The following NNT variants were observed in gnomAD, a reference collection of about 807,000 sequenced individuals.
NNT encodes the protein nicotinamide nucleotide transhydrogenase.
In NNT, 50 loss-of-function variants were observed where a neutral mutation model predicts 104.8. The ratio of observed to expected loss-of-function variants is 0.48; its 90% CI spans 0.38 to 0.60. The LOEUF is 0.60. NNT is among the 20% of genes least tolerant of loss of function. NNT has a pLI of 0.00. For synonymous variants in NNT, 461 were observed against 490.4 expected (o/e 0.94, Z 0.79); for missense variants, 1,131 against 1,330.7 (o/e 0.85, Z 2.33).
chr5:43,656,563 A>T (rs754457362), intron 15 of NNT, 90 bp from the exon 16 acceptor site: 14 of 1,193,856 alleles, frequency 1.2e-5, no homozygotes, highest in African/African-American at 1.5e-5. Context: ...ATCCTTGGTT[A>T]GAGATGACTG....
Position 43,704,612 on chromosome 5 carries a change from G to T in NNT, c.*208G>T, listed in dbSNP as rs558187103. On this transcript the variant is annotated 3_prime_UTR_variant, in exon 22 of 22. Coordinates refer to ENST00000344920, the MANE Select transcript of NNT (RefSeq NM_182977.3). ...TAAAAAAGGATTGAAAATTCTAAAT[G>T]TCTTTCTGTGCATATTTTTTGTGTT... The T allele has an allele frequency of 4.4e-6, 2 of 456,414 alleles. No individual in the cohort carries two copies. Among genetic ancestry groups the T allele is most frequent in the Non-Finnish European group, 7.6e-6 (2 of 261,782 alleles). The allele number at this position is 456,414 out of a possible 1,614,324, so 28.3% of individuals were successfully genotyped here.
chr5:43,632,895 A>G (rs1750748490), intron 7 of NNT, among the ~76,000 whole-genome samples: 1 of 152,198 alleles, frequency 6.6e-6, no homozygotes. Context: ...GGACTGAATC[A>G]GGTTGAAAAT....
intron 18 of NNT, among the ~76,000 whole-genome samples, chr5:43,677,519 G>A (rs1741483229): frequency 6.6e-6 from 1 of 152,060 alleles, no homozygotes; most frequent in African/African-American, 2.4e-5. Context: ...CACTACAGAA[G>A]ATTGAGGAGC....
chr5:43,703,040 A>T (rs917255401), intron 21 of NNT, among the ~76,000 whole-genome samples: 11 of 152,188 alleles, frequency 7.2e-5, no homozygotes, highest in African/African-American at 2.7e-4. Flanking sequence ...TAAATTCCAG[A>T]TCGAGTCCTG....
chr5:43,675,430 A>C, intron 17 of NNT, 81 bp from the exon 18 acceptor site: 1 of 1,204,070 alleles, frequency 8.3e-7, no homozygotes, highest in Non-Finnish European at 1.1e-6. Context: ...AATGATTCCA[A>C]ATATCATATA....
At chr5:43,685,645 T>A (rs573107382) in intron 19 of NNT, among the ~76,000 whole-genome samples, 3 of 152,328 alleles carry the variant, frequency 2.0e-5, no homozygotes, top group Non-Finnish European at 4.4e-5. Context: ...TTAAACATTC[T>A]TAATAGTTTA....
At chr5:43,648,960 G>A (rs1450284325) in intron 10 of NNT, among the ~76,000 whole-genome samples, 187 bp from the exon 11 acceptor site, 1 of 152,132 alleles carries the variant, frequency 6.6e-6, no homozygotes, top group Admixed American at 6.5e-5. Context: ...AGAAAGTTGG[G>A]TTTTGTCCAC....
Position 43,669,662 on chromosome 5 carries a change from G to A in NNT, c.2635-5849G>A, listed in dbSNP as rs879577601. 6.1e-4 allele frequency among the ~76,000 whole-genome samples: 93 copies of A among 152,254 alleles called. 1 individual carries two copies. Among genetic ancestry groups the A allele is most frequent in the Non-Finnish European group, 1.2e-3 (79 of 68,030 alleles). On this transcript the variant is annotated intron_variant, in intron 17 of 21. Coordinates refer to ENST00000344920, the MANE Select transcript of NNT (RefSeq NM_182977.3). ...GATCATGGTGGATAAGCTTTTTGAT[G>A]TACTGCTGGATTTGGTTTGTGAGTG...
chr5:43,610,715 C>G (rs1411767236), intron 2 of NNT, among the ~76,000 whole-genome samples: 1 of 152,150 alleles, frequency 6.6e-6, no homozygotes, highest in Non-Finnish European at 1.5e-5. Flanking sequence ...CCCTACAAGC[C>G]TCCAACTTTA....
intron 5 of NNT, among the ~76,000 whole-genome samples, chr5:43,620,655 A>G (rs1750038400): frequency 6.6e-6 from 1 of 152,028 alleles, no homozygotes; most frequent in South Asian, 2.1e-4. Flanking sequence ...GCCAGGTGAA[A>G]AAAATGGCAG....
At chr5:43,673,553 C>T (rs1023792376) in intron 17 of NNT, among the ~76,000 whole-genome samples, 1 of 152,114 alleles carries the variant, frequency 6.6e-6, no homozygotes. Flanking sequence ...ATAACAATTT[C>T]AGAACTGTAT....
At chr5:43,618,912 C>T in intron 4 of NNT, 120 bp from the exon 5 acceptor site, 1 of 496,348 alleles carries the variant, frequency 2.0e-6, no homozygotes. Context: ...ATAGTACATA[C>T]TACATAAATA....
intron 3 of NNT, among the ~76,000 whole-genome samples, chr5:43,614,720 G>T (rs549809415): frequency 6.6e-6 from 1 of 152,300 alleles, no homozygotes; most frequent in East Asian, 1.9e-4. Context: ...GTGTTTACTT[G>T]CCTAAAAGCA....
At position 43,704,524 on chromosome 5, in the gene NNT, A is replaced by T; in HGVS notation, c.*120A>T. On this transcript the variant is annotated 3_prime_UTR_variant, in exon 22 of 22. Coordinates refer to ENST00000344920, the MANE Select transcript of NNT (RefSeq NM_182977.3). ...AGCAAAGCTCTTGGAGAAAATGAAG[A>T]CTGAAGAAAGCAAAGCAAAAACTGT... 9.3e-7 allele frequency: 1 copy of T among 1,073,570 alleles called. No homozygotes were observed. The highest frequency in any genetic ancestry group is 1.3e-6 in the Non-Finnish European group (1 of 769,172). The allele number at this position is 1,073,570 out of a possible 1,614,324, so 66.5% of individuals were successfully genotyped here. A position where few individuals can be genotyped will look rare whatever the true frequency, so the allele number is the denominator to read the frequency against.
intron 19 of NNT, among the ~76,000 whole-genome samples, chr5:43,686,898 T>C (rs894851865): frequency 6.6e-6 from 1 of 152,128 alleles, no homozygotes; most frequent in African/African-American, 2.4e-5. Context: ...CAGAAGTAAA[T>C]TGTTCAAATG....
At chr5:43,699,606 G>A (rs1215598552) in intron 19 of NNT, among the ~76,000 whole-genome samples, 1 of 152,010 alleles carries the variant, frequency 6.6e-6, no homozygotes, top group Non-Finnish European at 1.5e-5. Context: ...TGCCCGTCTT[G>A]GCCTTCCAAA....
chr5:43,653,042 TGCTGTGTCGGTGCCTTG>T lies in NNT; in HGVS notation c.1893_1909del (p.Cys631TrpfsTer62). 1 of 1,614,106 alleles carries T rather than the reference TGCTGTGTCGGTGCCTTG, an allele frequency of 6.2e-7. No homozygotes were observed. The highest frequency in any genetic ancestry group is 8.5e-7 in the Non-Finnish European group (1 of 1,179,956). ...GATCATGTACCTAGGCTCGGGTTTG[TGCTGTGTCGGTGCCTTG>T]GCTGGCCTCTCCACCCAGGGAACAG... On this transcript the variant is annotated frameshift_variant, in exon 14 of 22. Transcript: ENST00000344920. LOFTEE classifies it high-confidence loss of function.
chr5:43,604,984 C>A (rs1014587563), intron 1 of NNT, among the ~76,000 whole-genome samples: 1 of 152,052 alleles, frequency 6.6e-6, no homozygotes, highest in African/African-American at 2.4e-5. Context: ...TGCTATTATT[C>A]CCCATTTTAA....
intron 5 of NNT, among the ~76,000 whole-genome samples, chr5:43,620,784 T>G (rs1247628841): frequency 2.0e-5 from 3 of 152,220 alleles, no homozygotes; most frequent in African/African-American, 7.2e-5. Context: ...ATGTCTGGCA[T>G]GCATAGTGGC....
Sources: allele counts gnomAD v4.1 joint callset (sites outside exome capture counted in the v4.1 genomes callset), GRCh38; gene constraint gnomAD v4.1.1; transcripts MANE v1.5; gene names NCBI Gene and HGNC (gene_info 2026-07-23, HGNC 2026-07-21).